METTL15: variants seen among roughly 807,000 people sequenced by gnomAD.
METTL15 encodes the protein methyltransferase 15, mitochondrial 12S rRNA N4-cytidine, also known as 12S rRNA N(4)-cytidine methyltransferase METTL15.
A neutral mutation model predicts 38.3 loss-of-function variants in METTL15; 34 were observed. That is an observed-to-expected ratio of 0.89 (90% CI 0.68 to 1.18). The LOEUF (loss-of-function observed/expected upper bound fraction) is 1.18. Ranked by LOEUF, METTL15 falls within the 50% of genes most tolerant of loss-of-function variation. The pLI, the probability that METTL15 is intolerant of heterozygous loss-of-function variation, is 0.00. For synonymous variants in METTL15, 162 were observed against 170.9 expected, an observed-to-expected ratio of 0.95 and a Z score of 0.41; for missense variants, 438 against 498.4, an observed-to-expected ratio of 0.88 and a Z score of 1.15.
intron 3 of METTL15, among the ~76,000 whole-genome samples, chr11:28,200,971 A>C (rs1852089738): frequency 6.6e-6 from 1 of 151,954 alleles, no homozygotes; most frequent in Non-Finnish European, 1.5e-5. Context: ...GGGCATCCTT[A>C]TCTTGTTGTC....
intron 3 of METTL15, among the ~76,000 whole-genome samples, chr11:28,176,022 TAGAA>T (rs1394600233): frequency 6.6e-6 from 1 of 152,004 alleles, no homozygotes; most frequent in African/African-American, 2.4e-5. Flanking sequence ...CTAAGGAGTT[TAGAA>T]AGAGGAAAGA....
intron 4 of METTL15, among the ~76,000 whole-genome samples, chr11:28,360,322 G>A (rs1265681500): frequency 6.6e-6 from 1 of 152,174 alleles, no homozygotes; most frequent in African/African-American, 2.4e-5. Context: ...CCCCGGCCAT[G>A]GCCAATTGGA....
At chr11:28,134,130 C>G (rs1370821044) in intron 3 of METTL15, among the ~76,000 whole-genome samples, 3 of 152,074 alleles carry the variant, frequency 2.0e-5, no homozygotes, top group Admixed American at 6.6e-5. Context: ...GATTTTTTTG[C>G]TGCTTAGCTC....
At chr11:28,201,610 G>GGTGTGTGTGTGTGTGTGTGTGTGTGTGT (rs71050951) in intron 3 of METTL15, among the ~76,000 whole-genome samples, 2,593 of 145,586 alleles carry the variant, frequency 0.018, 46 homozygotes, top group Non-Finnish European at 0.023. Flanking sequence ...GTCTTGGGAG[G>GGTGTGTGTGTGTGTGTGTGTGTGTGTGT]GTGTGTGTGT....
At chr11:28,110,930 T>A (rs566362841) in intron 2 of METTL15, among the ~76,000 whole-genome samples, 50 of 152,318 alleles carry the variant, frequency 3.3e-4, no homozygotes, top group African/African-American at 1.1e-3. Flanking sequence ...TGCTTCCTTA[T>A]GACCAGAGGG....
rs1041814239 is a variant in METTL15, at chr11:28,328,212, C to T, written c.779-2184C>T. 7 of 1,546,932 alleles carry T rather than the reference C, an allele frequency of 4.5e-6. No homozygotes were observed. In the African/African-American group the frequency reaches 9.7e-5, roughly 21 times the overall value. ...TCAGTTTTGATATGGACATCATGTT[C>T]CTGAGAGACCTGGTTGTTGGAAGAT... is the stretch of plus-strand genomic sequence containing the variant. On this transcript the variant is annotated intron_variant, in intron 6 of 6. Transcript: ENST00000407364.
At chr11:28,497,002 T>A (rs1226164662) in intron 6 of METTL15, among the ~76,000 whole-genome samples, 1 of 152,236 alleles carries the variant, frequency 6.6e-6, no homozygotes. Context: ...GAGCTGGACA[T>A]TGAGGCTAGT....
intron 3 of METTL15, among the ~76,000 whole-genome samples, chr11:28,138,205 CAT>C (rs751814486): frequency 2.2e-4 from 33 of 151,854 alleles, no homozygotes; most frequent in Non-Finnish European, 4.4e-4. Context: ...TAGGGCCTCT[CAT>C]GTGTGCATTA....
intron 3 of METTL15, among the ~76,000 whole-genome samples, chr11:28,142,405 A>C (rs1849730692): frequency 6.6e-6 from 1 of 152,214 alleles, no homozygotes; most frequent in Non-Finnish European, 1.5e-5. Flanking sequence ...GTAAGTGTTA[A>C]AGGAAGAAGG....
chr11:28,123,313 A>G (rs1012166478), intron 3 of METTL15, among the ~76,000 whole-genome samples: 10 of 152,002 alleles, frequency 6.6e-5, no homozygotes, highest in Admixed American at 1.3e-4. Flanking sequence ...CCTAAGTTGC[A>G]TGTTGTTTTA....
intron 4 of METTL15, among the ~76,000 whole-genome samples, chr11:28,355,683 G>T (rs891236232): frequency 6.6e-6 from 1 of 152,060 alleles, no homozygotes; most frequent in East Asian, 1.9e-4. Context: ...AGGAAGATTT[G>T]CATAAGTTAT....
At position 28,182,110 on chromosome 11, in the gene METTL15, T is replaced by C. The variant is rs187397330; in HGVS notation, c.271-28952T>C. Among the ~76,000 whole-genome samples, 6 of 152,222 alleles carry C rather than the reference T, an allele frequency of 3.9e-5. No individual in the cohort carries two copies. The East Asian group carries it at 1.2e-3, about 29-fold the overall frequency. On this transcript the variant is annotated intron_variant, in intron 3 of 6. Coordinates refer to ENST00000407364, the MANE Select transcript of METTL15 (RefSeq NM_001113528.2). Reference sequence around the variant, plus strand: ...GCCCACTTTTTGATGGGGTTGTTTGTTTTTTTCTTGTAAATTTGTTGAAGT... The same window carrying C: ...GCCCACTTTTTGATGGGGTTGTTTGCTTTTTTCTTGTAAATTTGTTGAAGT...
At chr11:28,202,573 A>G (rs1480445680) in intron 3 of METTL15, among the ~76,000 whole-genome samples, 1 of 152,060 alleles carries the variant, frequency 6.6e-6, no homozygotes, top group South Asian at 2.1e-4. Context: ...AAATATACAG[A>G]TGATTAATTA....
In METTL15 at chr11:28,113,997, A is replaced by G. The variant is rs184265433; in HGVS notation, c.270+393A>G. ...TTTTTGACACATGGTGTTTTCAACT[A>G]ATGAAGGGTTTGTCAGGACATAACC... On this transcript the variant is annotated intron_variant, in intron 3 of 6. Transcript: ENST00000407364. 2.6e-5 allele frequency among the ~76,000 whole-genome samples: 4 copies of G among 152,286 alleles called. No homozygotes were observed. In the East Asian group the frequency reaches 5.8e-4, roughly 22 times the overall value.
intron 6 of METTL15, among the ~76,000 whole-genome samples, chr11:28,524,064 A>G (rs1011878534): frequency 2.6e-5 from 4 of 152,262 alleles, no homozygotes; most frequent in East Asian, 1.9e-4. Context: ...TCTGGGGGAT[A>G]CAGTTGGAAA....
chr11:28,140,073 G>A (rs561584006), intron 3 of METTL15, among the ~76,000 whole-genome samples: 19 of 152,288 alleles, frequency 1.2e-4, no homozygotes, highest in African/African-American at 4.3e-4. Flanking sequence ...AGCTGGGAGG[G>A]AAGCAGGGAG....
intron 6 of METTL15, among the ~76,000 whole-genome samples, chr11:28,492,520 C>CCACACACACA (rs34573735): frequency 1.4e-5 from 2 of 147,042 alleles, no homozygotes; most frequent in African/African-American, 5.0e-5. Context: ...GCAACTGGAG[C>CCACACACACA]CACACACACA....
chr11:28,205,093 ATTTATT>A (rs1252724074), intron 3 of METTL15, among the ~76,000 whole-genome samples: 1 of 151,588 alleles, frequency 6.6e-6, no homozygotes, highest in Non-Finnish European at 1.5e-5. Flanking sequence ...ATATTTATTT[ATTTATT>A]TTTATTTAAT....
intron 5 of METTL15, among the ~76,000 whole-genome samples, chr11:28,292,221 A>G (rs868813322): frequency 1.4e-5 from 1 of 73,296 alleles, no homozygotes; most frequent in Non-Finnish European, 2.5e-5. Context: ...CCCCCACCCC[A>G]CAACAGGCCC....
Sources: allele counts gnomAD v4.1 joint callset (sites outside exome capture counted in the v4.1 genomes callset), GRCh38; gene constraint gnomAD v4.1.1; transcripts MANE v1.5; gene names NCBI Gene and HGNC (gene_info 2026-07-23, HGNC 2026-07-21).